Variants in DLGAP4 observed in about 807,000 individuals in gnomAD.
The protein encoded by DLGAP4 is DLG associated protein 4, also known as disks large-associated protein 4.
Under a neutral mutation model 86.9 loss-of-function variants are expected in DLGAP4, and 18 were observed. The observed-to-expected ratio is 0.21, with a 90% CI of 0.14 to 0.31. DLGAP4 has a LOEUF of 0.31. Among genes scored for constraint, DLGAP4 ranks in the 10% least tolerant of loss-of-function variants. The probability of loss-of-function intolerance (pLI) is 1.00; values close to 1 mark genes in which losing one functional copy is unlikely to be tolerated. For synonymous variants in DLGAP4, 548 were observed against 574.3 expected (o/e 0.95, Z 0.65); for missense variants, 1,085 against 1,362.6 (o/e 0.80, Z 3.21).
intron 3 of DLGAP4, among the ~76,000 whole-genome samples, chr20:36,434,954 C>T (rs560747235): frequency 7.2e-5 from 11 of 151,998 alleles, no homozygotes; most frequent in East Asian, 3.9e-4. Context: ...CATGTGGAGG[C>T]GGGGACAGTG....
rs144559313 is a variant in DLGAP4 at position 36,426,397 on chromosome 20, C to A, written c.-72-5249C>A. 9.1e-4 allele frequency among the ~76,000 whole-genome samples: 138 copies of A among 152,256 alleles called. 3 individuals carry two copies. The East Asian group carries it at 0.024, about 27-fold the overall frequency. The stretch of plus-strand genomic sequence containing the variant: ...GGGCATGGTGGCATGCGCCTCTAAT[C>A]CCAGCTACTTGGGAGGCTGAGGCAC... On this transcript the variant is annotated intron_variant, in intron 2 of 12. Coordinates refer to ENST00000339266, the MANE Select transcript of DLGAP4 (RefSeq NM_001365621.2).
At chr20:36,370,301 A>G (rs552127858) in intron 2 of DLGAP4, among the ~76,000 whole-genome samples, 1 of 151,932 alleles carries the variant, frequency 6.6e-6, no homozygotes, top group African/African-American at 2.4e-5. Context: ...GGAGTTCATG[A>G]TCAGCCTGGG....
rs1331052881 is a variant in DLGAP4 at position 36,432,606 on chromosome 20, C to T, written c.889C>T (p.Leu297=). ...NYVKRGSWST[L]TLSHAHEVCQ... Reference sequence around the variant, plus strand: ...CGTCAAACGGGGCTCCTGGTCCACTCTGACCCTCAGCCACGCCCACGAGGT... The same window carrying T: ...CGTCAAACGGGGCTCCTGGTCCACTTTGACCCTCAGCCACGCCCACGAGGT... Residue 297 remains leucine (L), a synonymous_variant, in exon 3 of 13, where the codon CTG becomes TTG. Transcript: ENST00000339266. The surrounding 1 kb of genome is among the most constrained non-coding windows in gnomAD (Gnocchi z 6.5). The T allele has an allele frequency of 6.8e-6, 11 of 1,612,102 alleles. No homozygotes were observed. Among genetic ancestry groups the T allele is most frequent in the South Asian group, 3.3e-5 (3 of 90,434 alleles).
chr20:36,486,235 A>G (rs1467454531), intron 7 of DLGAP4, among the ~76,000 whole-genome samples: 3 of 152,226 alleles, frequency 2.0e-5, no homozygotes, highest in Non-Finnish European at 4.4e-5. Flanking sequence ...CCTGTATCAG[A>G]TACTCAGGTT....
intron 7 of DLGAP4, among the ~76,000 whole-genome samples, chr20:36,455,962 A>G (rs1234894460): frequency 1.3e-5 from 2 of 152,116 alleles, no homozygotes; most frequent in African/African-American, 4.8e-5. Flanking sequence ...AGGAAACTCA[A>G]AGACCATCAT....
At position 36,463,679 on chromosome 20, in the gene DLGAP4, A is replaced by G. The variant is rs57545257; in HGVS notation, c.1648+16742A>G. 6.1e-3 allele frequency among the ~76,000 whole-genome samples: 936 copies of G among 152,280 alleles called. 11 individuals carry two copies. Among genetic ancestry groups the G allele is most frequent in the African/African-American group, 0.021 (881 of 41,544 alleles). On this transcript the variant is annotated intron_variant, in intron 7 of 12. Coordinates refer to ENST00000339266, the MANE Select transcript of DLGAP4 (RefSeq NM_001365621.2). ...CCATGTTCCATCCCATTGTTGTTTAAGGGTGGGCCCTGCTTGGACAGTGGC... is the reference window on the plus strand; with the variant it reads ...CCATGTTCCATCCCATTGTTGTTTAGGGGTGGGCCCTGCTTGGACAGTGGC...
At chr20:36,430,813 T>C (rs1288086781) in intron 2 of DLGAP4, among the ~76,000 whole-genome samples, 1 of 151,512 alleles carries the variant, frequency 6.6e-6, no homozygotes, top group African/African-American at 2.4e-5. Flanking sequence ...AAATTAGCCA[T>C]GTGTGGTGGC....
At chr20:36,422,596 T>G (rs1030491099) in intron 2 of DLGAP4, among the ~76,000 whole-genome samples, 1 of 152,128 alleles carries the variant, frequency 6.6e-6, no homozygotes, top group Non-Finnish European at 1.5e-5. Flanking sequence ...CAGGTGAGTT[T>G]TGTGTCAGGA....
chr20:36,420,795 G>A (rs1047071911), intron 2 of DLGAP4, among the ~76,000 whole-genome samples: 2 of 152,132 alleles, frequency 1.3e-5, no homozygotes, highest in Non-Finnish European at 2.9e-5. Flanking sequence ...CCAACATGGA[G>A]AAACCCAGTC....
At chr20:36,414,731 C>T (rs2032604161) in intron 2 of DLGAP4, among the ~76,000 whole-genome samples, 1 of 152,236 alleles carries the variant, frequency 6.6e-6, no homozygotes, top group Non-Finnish European at 1.5e-5. Flanking sequence ...GGGCAGAGGC[C>T]CTGTTCCTGT....
intron 2 of DLGAP4, among the ~76,000 whole-genome samples, chr20:36,417,741 C>T (rs189586304): frequency 2.0e-5 from 3 of 148,696 alleles, no homozygotes; most frequent in East Asian, 4.0e-4. Context: ...CTGGGTGAAG[C>T]GATCCCATTT....
chr20:36,381,233 A>AC (rs1324056701), intron 2 of DLGAP4, among the ~76,000 whole-genome samples: 1 of 152,260 alleles, frequency 6.6e-6, no homozygotes, highest in Admixed American at 6.5e-5. Context: ...ACTGCACATG[A>AC]CAGTGACAGT....
At chr20:36,382,527 CTTTTTTTTT>C (rs749210064) in intron 2 of DLGAP4, among the ~76,000 whole-genome samples, 7 of 110,462 alleles carry the variant, frequency 6.3e-5, no homozygotes, top group Admixed American at 5.7e-4. Context: ...TTCTTTTTTT[CTTTTTTTTT>C]TTTTTTTTTT....
At chr20:36,474,243 G>A (rs1321081506) in intron 7 of DLGAP4, among the ~76,000 whole-genome samples, 1 of 152,226 alleles carries the variant, frequency 6.6e-6, no homozygotes, top group East Asian at 1.9e-4. Flanking sequence ...AGTGGAGTCA[G>A]TTATTTGATG....
intron 2 of DLGAP4, among the ~76,000 whole-genome samples, chr20:36,430,427 G>T (rs1407467121): frequency 6.6e-6 from 1 of 152,128 alleles, no homozygotes. Context: ...TTTGCAGAGG[G>T]CTTCCATTTG....
Position 36,325,454 on chromosome 20 carries a change from C to T in DLGAP4, c.-304+18942C>T, listed in dbSNP as rs544542668. Among the ~76,000 whole-genome samples the T allele has an allele frequency of 5.0e-4, 76 of 152,138 alleles. 1 individual carries two copies. Among genetic ancestry groups the T allele is most frequent in the African/African-American group, 1.6e-3 (65 of 41,506 alleles). On this transcript the variant is annotated intron_variant, in intron 1 of 12. Transcript: ENST00000339266. ...AGGGGATGGAGTGTTCTATAAATGT[C>T]GGGTCAAGTTGGTTGATAATTTTCA...
intron 8 of DLGAP4, chr20:36,499,194 T>C (rs770988116): frequency 1.1e-5 from 17 of 1,564,106 alleles, no homozygotes; most frequent in African/African-American, 2.8e-5. Context: ...GTGTGTTTTC[T>C]TTCTCTTTCG....
rs1421771851 is a variant in DLGAP4, at chr20:36,442,720, C to G, written c.1357-7C>G. 1.2e-6 allele frequency: 2 copies of G among 1,614,176 alleles called. No individual in the cohort carries two copies. The highest frequency in any genetic ancestry group is 1.7e-6 in the Non-Finnish European group (2 of 1,180,012). On this transcript the variant is annotated splice_polypyrimidine_tract_variant and splice_region_variant and intron_variant, in intron 5 of 12. Coordinates refer to ENST00000339266, the MANE Select transcript of DLGAP4 (RefSeq NM_001365621.2). ...CTTCCATAACCCTCACCCTCTCTTT[C>G]CTGCAGATTTTTGGACAGGCCTCCC... is the stretch of plus-strand genomic sequence containing the variant.
At chr20:36,341,626 C>T (rs374224877) in intron 1 of DLGAP4, among the ~76,000 whole-genome samples, 1 of 152,238 alleles carries the variant, frequency 6.6e-6, no homozygotes, top group Non-Finnish European at 1.5e-5. Context: ...ACGCGGCTCC[C>T]GCGGGGAGGA....
Sources: allele counts gnomAD v4.1 joint callset (sites outside exome capture counted in the v4.1 genomes callset), GRCh38; gene constraint gnomAD v4.1.1; non-coding constraint Gnocchi (gnomAD v3.1); transcripts MANE v1.5; gene names NCBI Gene and HGNC (gene_info 2026-07-23, HGNC 2026-07-21).